Variants in NCKAP5 observed in about 807,000 individuals in gnomAD.
NCKAP5 encodes NCK associated protein 5, also known as nck-associated protein 5.
A neutral mutation model predicts 167.0 loss-of-function variants in NCKAP5; 92 were observed. That is an observed-to-expected ratio of 0.55 (90% CI 0.47 to 0.66). The LOEUF is 0.66. Ranked by LOEUF, NCKAP5 falls within the 30% of genes least tolerant of loss-of-function variation. The pLI is 0.00. For synonymous variants in NCKAP5, 891 were observed against 877.4 expected, an observed-to-expected ratio of 1.02 and a Z score of -0.27; for missense variants, 2,378 against 2,315.0, an observed-to-expected ratio of 1.03 and a Z score of -0.56.
intron 3 of NCKAP5, among the ~76,000 whole-genome samples, chr2:133,501,115 A>G (rs944490805): frequency 3.3e-5 from 5 of 152,230 alleles, no homozygotes; most frequent in Admixed American, 2.6e-4. Flanking sequence ...AAGAAGGTAC[A>G]GCTGAAACTC....
At position 132,784,091 on chromosome 2, in the gene NCKAP5, C is replaced by G. The variant is rs796832856; in HGVS notation, c.2720G>C (p.Gly907Ala). The G allele has an allele frequency of 7.2e-6, 11 of 1,521,034 alleles. No homozygotes were observed. The African/African-American group carries it at 1.5e-4, about 21-fold the overall frequency. 94.2% of individuals were successfully genotyped at this position (1,521,034 alleles called of 1,614,324 possible). ...GTGTTCATCCCTCGTGGGGGGCTCTCCACTGTCACTAGACTCAATGGCAGG... is the reference window on the plus strand; with the variant it reads ...GTGTTCATCCCTCGTGGGGGGCTCTGCACTGTCACTAGACTCAATGGCAGG... ...SRPAIESSDSGEPPTRDEHCG... is the reference protein window; with the variant it reads ...SRPAIESSDSAEPPTRDEHCG... The change falls in exon 14 of 20, where the codon GGA (glycine) becomes GCA (alanine). Residue 907 changes from glycine (G) to alanine (A), a missense_variant. This residue lies in a region of NCKAP5 where 1,325 missense variants were observed against 1,274.5 expected (regional missense o/e 1.04). Transcript: ENST00000409261.
chr2:133,028,950 G>A (rs1194475495), intron 6 of NCKAP5, among the ~76,000 whole-genome samples: 2 of 152,160 alleles, frequency 1.3e-5, no homozygotes, highest in Non-Finnish European at 2.9e-5. Flanking sequence ...GTTTCACCAT[G>A]TGATGTGCCT....
chr2:133,384,864 T>C (rs1212194786), intron 3 of NCKAP5, among the ~76,000 whole-genome samples: 1 of 152,222 alleles, frequency 6.6e-6, no homozygotes, highest in African/African-American at 2.4e-5. Context: ...TATTGGTGTA[T>C]AATAATGCTT....
chr2:133,330,853 T>C (rs1399764445), intron 3 of NCKAP5, among the ~76,000 whole-genome samples: 1 of 152,172 alleles, frequency 6.6e-6, no homozygotes, highest in Non-Finnish European at 1.5e-5. Flanking sequence ...GCTATGATTA[T>C]GCCACTGTAC....
rs184516718 is a variant in NCKAP5 at position 133,360,801 on chromosome 2, T to C, written c.70-57691A>G. Among the ~76,000 whole-genome samples the C allele has an allele frequency of 1.3e-4, 20 of 152,012 alleles. No homozygotes were observed. The East Asian group carries it at 3.9e-3, about 30-fold the overall frequency. On this transcript the variant is annotated intron_variant, in intron 3 of 19. Transcript: ENST00000409261. ...TTTAGGGAGGAAAATAGGAGAACAC[T>C]TTTGTAAGAATATAAAAGGAAAATA...
chr2:132,829,580 T>G (rs1475293281), intron 11 of NCKAP5, among the ~76,000 whole-genome samples: 1 of 152,168 alleles, frequency 6.6e-6, no homozygotes, highest in Non-Finnish European at 1.5e-5. Context: ...TTTGCTAAAA[T>G]ATTTACTATA....
chr2:133,206,133 T>C (rs1287589863), intron 5 of NCKAP5, among the ~76,000 whole-genome samples: 1 of 152,230 alleles, frequency 6.6e-6, no homozygotes, highest in Non-Finnish European at 1.5e-5. Context: ...TTAAAAGGAA[T>C]ATTTCTCACA....
chr2:133,532,508 G>A (rs541430380), intron 2 of NCKAP5, among the ~76,000 whole-genome samples: 1 of 152,114 alleles, frequency 6.6e-6, no homozygotes, highest in East Asian at 1.9e-4. Flanking sequence ...TAAATGCTCG[G>A]TTATTTGGGT....
chr2:132,855,277 A>G (rs1689377641), intron 11 of NCKAP5, among the ~76,000 whole-genome samples: 1 of 152,176 alleles, frequency 6.6e-6, no homozygotes, highest in Non-Finnish European at 1.5e-5. Context: ...ATATGTTTTC[A>G]TGTCTGGCCA....
At chr2:133,051,236 A>T (rs1206671588) in intron 6 of NCKAP5, among the ~76,000 whole-genome samples, 2 of 152,162 alleles carry the variant, frequency 1.3e-5, no homozygotes, top group African/African-American at 4.8e-5. Flanking sequence ...TTATTCTTTA[A>T]CTAATTAAAC....
chr2:132,789,945 C>G, intron 13 of NCKAP5, 78 bp downstream of exon 13: 1 of 1,422,348 alleles, frequency 7.0e-7, no homozygotes. Flanking sequence ...ACCCCTCCCA[C>G]CTGCCCTTCA....
At chr2:132,835,297 C>T (rs980140282) in intron 11 of NCKAP5, among the ~76,000 whole-genome samples, 15 of 151,974 alleles carry the variant, frequency 9.9e-5, no homozygotes, top group African/African-American at 3.1e-4. Context: ...GTTGTCTTCT[C>T]GTCTGGTTTT....
intron 6 of NCKAP5, among the ~76,000 whole-genome samples, chr2:133,103,256 G>T (rs2081576308): frequency 6.6e-6 from 1 of 152,030 alleles, no homozygotes; most frequent in Non-Finnish European, 1.5e-5. Flanking sequence ...GTTACTTTTT[G>T]AATACTATTT....
intron 3 of NCKAP5, among the ~76,000 whole-genome samples, chr2:133,386,882 TG>T (rs1422701218): frequency 2.0e-5 from 3 of 152,196 alleles, no homozygotes; most frequent in African/African-American, 7.2e-5. Context: ...GCCTTTTTTT[TG>T]TTTTCCTTTT....
intron 9 of NCKAP5, 129 bp from the exon 10 acceptor site, chr2:132,869,103 A>G: frequency 1.8e-6 from 1 of 561,182 alleles, no homozygotes; most frequent in South Asian, 2.9e-5. Context: ...TTTCCTCTAT[A>G]TGCAGAGATC....
At chr2:133,664,295 C>T in the NCKAP5 span, among the ~76,000 whole-genome samples, 1 of 151,990 alleles carries the variant, frequency 6.6e-6, no homozygotes, top group African/African-American at 2.4e-5. Context: ...TAGCATAATT[C>T]GTAAGGACCC....
the NCKAP5 span, among the ~76,000 whole-genome samples, chr2:133,618,647 A>C: frequency 2.6e-5 from 4 of 152,220 alleles, no homozygotes; most frequent in African/African-American, 9.7e-5. Flanking sequence ...TTAAAAAGTC[A>C]GCAAACAACA....
rs141080622 is a variant in NCKAP5, at chr2:132,844,638, T to G, written c.807+15854A>C. Among the ~76,000 whole-genome samples, 1,228 of 152,316 alleles carry G rather than the reference T, an allele frequency of 8.1e-3. 17 individuals are homozygous for G. The highest frequency in any genetic ancestry group is 9.3e-3 in the Non-Finnish European group (632 of 68,004). On this transcript the variant is annotated intron_variant, in intron 11 of 19. Transcript: ENST00000409261. ...TGAAATATGGTTTAACTTGATACTTTTAAACTTCTAACTTGATAATACTGG... is the reference window on the plus strand; with the variant it reads ...TGAAATATGGTTTAACTTGATACTTGTAAACTTCTAACTTGATAATACTGG...
chr2:133,671,688 A>C, the NCKAP5 span, among the ~76,000 whole-genome samples: 3 of 152,146 alleles, frequency 2.0e-5, no homozygotes, highest in Non-Finnish European at 4.4e-5. Flanking sequence ...GGAATTTATA[A>C]ATAAATCTAT....
Sources: gnomAD v4.1 joint callset for allele counts (sites outside exome capture counted in the v4.1 genomes callset) on GRCh38, gnomAD v4.1.1 for gene constraint, gnomAD v4.1.1 regional missense constraint, MANE v1.5 for transcripts, NCBI Gene and HGNC (gene_info 2026-07-23, HGNC 2026-07-21) for gene names.